FILIP1L: variants seen among roughly 807,000 people sequenced by gnomAD.
FILIP1L encodes filamin A-interacting protein 1-like.
In FILIP1L, 55 loss-of-function variants were observed where a neutral mutation model predicts 96.6. The observed-to-expected ratio is 0.57, with a 90% confidence interval of 0.46 to 0.71. FILIP1L has a LOEUF of 0.71. FILIP1L is among the 30% of genes least tolerant of loss of function. FILIP1L has a pLI of 0.00. For missense variants in FILIP1L, 1,304 were observed against 1,321.2 expected, an observed-to-expected ratio of 0.99 and a Z score of 0.20; for synonymous variants, 467 against 473.9, an observed-to-expected ratio of 0.99 and a Z score of 0.19.
At chr3:99,963,667 A>G (rs1034368077) in intron 1 of FILIP1L, among the ~76,000 whole-genome samples, 1 of 151,454 alleles carries the variant, frequency 6.6e-6, no homozygotes, top group African/African-American at 2.4e-5. Context: ...GCTGGAGTGC[A>G]GTGGCGTGAT....
At chr3:100,008,762 G>A (rs1710060760) in intron 1 of FILIP1L, among the ~76,000 whole-genome samples, 1 of 152,200 alleles carries the variant, frequency 6.6e-6, no homozygotes, top group South Asian at 2.1e-4. Context: ...ACTAGGAGGA[G>A]TATTGTCTTG....
chr3:99,934,388 T>G (rs955618446), intron 1 of FILIP1L, among the ~76,000 whole-genome samples: 2 of 152,242 alleles, frequency 1.3e-5, no homozygotes, highest in Non-Finnish European at 2.9e-5. Flanking sequence ...TTTGGTTCTT[T>G]ACTTCTTTTC....
chr3:99,983,402 A>ATGTG (rs1212244314), intron 1 of FILIP1L, among the ~76,000 whole-genome samples: 3 of 110,396 alleles, frequency 2.7e-5, no homozygotes, highest in African/African-American at 1.1e-4. Flanking sequence ...ATATATATAT[A>ATGTG]TATATATATA....
intron 1 of FILIP1L, among the ~76,000 whole-genome samples, chr3:99,947,420 A>G (rs1162836430): frequency 6.6e-6 from 1 of 152,100 alleles, no homozygotes; most frequent in East Asian, 1.9e-4. Flanking sequence ...CCATTCTCCT[A>G]TTATTGGATA....
At chr3:99,906,781 T>C (rs2107634036) in intron 4 of FILIP1L, among the ~76,000 whole-genome samples, 1 of 152,288 alleles carries the variant, frequency 6.6e-6, no homozygotes, top group Middle Eastern at 3.4e-3. Flanking sequence ...ATTGGATCAT[T>C]GAACTATAAG....
chr3:100,083,826 T>C (rs1389753689), intron 1 of FILIP1L, among the ~76,000 whole-genome samples: 2 of 152,136 alleles, frequency 1.3e-5, no homozygotes, highest in African/African-American at 4.8e-5. Context: ...CCTCCCACCT[T>C]GGCCTCCCAA....
At position 99,911,368 on chromosome 3, in the gene FILIP1L, T is replaced by C. The variant is rs140787623; in HGVS notation, c.605+12862A>G. ...TATAACAAAATAATAAGTATTATTA[T>C]TGTTAAGTTGTTTCCAAATTTGACT... On this transcript the variant is annotated intron_variant, in intron 4 of 5. Transcript: ENST00000477258. Among the ~76,000 whole-genome samples the C allele has an allele frequency of 2.4e-4, 36 of 150,816 alleles. No homozygotes were observed. The East Asian group carries it at 6.2e-3, about 26-fold the overall frequency.
chr3:100,000,053 G>A (rs1408217739), intron 1 of FILIP1L, among the ~76,000 whole-genome samples: 1 of 152,178 alleles, frequency 6.6e-6, no homozygotes, highest in African/African-American at 2.4e-5. Flanking sequence ...TGGGGCCCAG[G>A]CATCTCTATT....
intron 5 of FILIP1L, among the ~76,000 whole-genome samples, chr3:99,837,915 G>T (rs1322720534): frequency 6.6e-6 from 1 of 152,082 alleles, no homozygotes; most frequent in Non-Finnish European, 1.5e-5. Flanking sequence ...GAAAGTCTTG[G>T]GTCATTATCA....
chr3:99,959,593 CT>C (rs1439470314), intron 1 of FILIP1L, among the ~76,000 whole-genome samples: 2 of 152,116 alleles, frequency 1.3e-5, no homozygotes, highest in Admixed American at 6.5e-5. Context: ...TGTATAATTT[CT>C]TTAGCAGTCT....
chr3:99,915,843 T>C (rs1706933634), intron 4 of FILIP1L, among the ~76,000 whole-genome samples: 1 of 152,238 alleles, frequency 6.6e-6, no homozygotes, highest in East Asian at 1.9e-4. Flanking sequence ...GTCTCCCCTA[T>C]ACTAAACAAT....
intron 4 of FILIP1L, among the ~76,000 whole-genome samples, chr3:99,920,688 A>G (rs538159045): frequency 2.0e-5 from 3 of 152,310 alleles, no homozygotes; most frequent in Non-Finnish European, 2.9e-5. Context: ...GGGAAAGCCA[A>G]TTGCTTACTG....
intron 1 of FILIP1L, among the ~76,000 whole-genome samples, chr3:100,012,576 A>G (rs1454760273): frequency 6.6e-6 from 1 of 152,046 alleles, no homozygotes; most frequent in Non-Finnish European, 1.5e-5. Context: ...GAGAGGTTCT[A>G]GTGCTTCAGG....
chr3:100,109,390 A>C (rs2066450077), intron 1 of FILIP1L, among the ~76,000 whole-genome samples: 1 of 152,156 alleles, frequency 6.6e-6, no homozygotes. Flanking sequence ...AAATTTTGAC[A>C]AGCTCATGCA....
chr3:100,068,495 A>C (rs2065705806), intron 1 of FILIP1L, among the ~76,000 whole-genome samples: 1 of 152,234 alleles, frequency 6.6e-6, no homozygotes, highest in South Asian at 2.1e-4. Flanking sequence ...AAATATTCAT[A>C]CATCTTGCTA....
chr3:100,024,040 C>G (rs1169079269), intron 1 of FILIP1L, among the ~76,000 whole-genome samples: 1 of 152,108 alleles, frequency 6.6e-6, no homozygotes, highest in Admixed American at 6.6e-5. Flanking sequence ...CAAGGATATG[C>G]CAGACTATCA....
intron 4 of FILIP1L, among the ~76,000 whole-genome samples, chr3:99,905,954 A>C (rs1327145372): frequency 6.6e-6 from 1 of 152,098 alleles, no homozygotes; most frequent in Non-Finnish European, 1.5e-5. Context: ...GCAGTTTGGG[A>C]GGCTGAGGCA....
chr3:100,034,774 T>C (rs1236601879), intron 1 of FILIP1L, among the ~76,000 whole-genome samples: 5 of 152,196 alleles, frequency 3.3e-5, no homozygotes. Context: ...AGGAGGGGCA[T>C]GCTTTAAACC....
intron 1 of FILIP1L, among the ~76,000 whole-genome samples, chr3:100,030,348 G>A (rs990584831): frequency 1.3e-5 from 2 of 152,116 alleles, no homozygotes; most frequent in African/African-American, 2.4e-5. Flanking sequence ...CCTGGCATGC[G>A]TGTTGGTTTT....
Sources: allele counts gnomAD v4.1 joint callset (sites outside exome capture counted in the v4.1 genomes callset), GRCh38; gene constraint gnomAD v4.1.1; transcripts MANE v1.5; gene names NCBI Gene and HGNC (gene_info 2026-07-23, HGNC 2026-07-21).